The following CAST variants were observed in gnomAD, a reference collection of about 807,000 sequenced individuals.
CAST encodes the protein MIR583 host.
Under a neutral mutation model 119.6 loss-of-function variants are expected in CAST, and 76 were observed. The ratio of observed to expected loss-of-function variants is 0.64; its 90% CI spans 0.53 to 0.77. The LOEUF is 0.77. Among genes scored for constraint, CAST ranks in the 30% least tolerant of loss-of-function variants. CAST has a pLI of 0.00. For missense variants in CAST, 953 were observed against 946.5 expected, an observed-to-expected ratio of 1.01 and a Z score of -0.09; for synonymous variants, 319 against 331.6, an observed-to-expected ratio of 0.96 and a Z score of 0.41.
At chr5:96,556,667 TA>T (rs1397117065) in intron 1 of CAST, among the ~76,000 whole-genome samples, 3 of 151,954 alleles carry the variant, frequency 2.0e-5, no homozygotes, top group Non-Finnish European at 2.9e-5. Flanking sequence ...GAAAAAAGAA[TA>T]AAAAGAAATG....
chr5:96,522,499 G>A (rs142377361), upstream of CAST, among the ~76,000 whole-genome samples: 33 of 152,216 alleles, frequency 2.2e-4, no homozygotes, highest in Non-Finnish European at 3.8e-4. Context: ...CCGTATATTG[G>A]TAAAATGAAT....
At chr5:96,513,061 A>G in the CAST span, among the ~76,000 whole-genome samples, 2 of 152,240 alleles carry the variant, frequency 1.3e-5, no homozygotes, top group Admixed American at 1.3e-4. Context: ...AAATCTGCTT[A>G]TCACTCATTT....
chr5:96,525,952 G>A (rs570140014), upstream of CAST, among the ~76,000 whole-genome samples: 1 of 152,296 alleles, frequency 6.6e-6, no homozygotes, highest in African/African-American at 2.4e-5. Context: ...GAGTGTGGGT[G>A]TAAGTGAGAG....
chr5:96,363,106 G>T, the CAST span, among the ~76,000 whole-genome samples: 97,418 of 138,912 alleles, frequency 0.7, 35,230 homozygotes, highest in African/African-American at 0.9. Flanking sequence ...TTTCCCCATT[G>T]CTTGTTTTTG....
At chr5:96,592,451 G>A (rs900257523) in intron 1 of CAST, among the ~76,000 whole-genome samples, 2 of 152,116 alleles carry the variant, frequency 1.3e-5, no homozygotes, top group African/African-American at 2.4e-5. Context: ...GCTGTATGTG[G>A]CATTATGCTT....
intron 2 of CAST, 135 bp from the exon 3 acceptor site, chr5:96,695,701 T>C: frequency 1.9e-6 from 1 of 522,380 alleles, no homozygotes; most frequent in Non-Finnish European, 3.5e-6. Flanking sequence ...TCAAAGCATA[T>C]GTTTACTTTG....
At chr5:96,366,934 C>T in the CAST span, among the ~76,000 whole-genome samples, 1 of 152,162 alleles carries the variant, frequency 6.6e-6, no homozygotes, top group African/African-American at 2.4e-5. Context: ...TTTTTCTGCT[C>T]TGTTTTTTCC....
At chr5:96,767,034 T>C (rs1462391129) in intron 27 of CAST, among the ~76,000 whole-genome samples, 1 of 152,202 alleles carries the variant, frequency 6.6e-6, no homozygotes, top group African/African-American at 2.4e-5. Flanking sequence ...AAATTTATTA[T>C]TTAAGGCCCT....
At chr5:96,390,151 T>C in the CAST span, among the ~76,000 whole-genome samples, 1 of 152,204 alleles carries the variant, frequency 6.6e-6, no homozygotes, top group Non-Finnish European at 1.5e-5. Flanking sequence ...CAGCTTTGCA[T>C]GTTGTCAAGA....
chr5:96,263,826 C>A, the CAST span, among the ~76,000 whole-genome samples: 73 of 152,232 alleles, frequency 4.8e-4, no homozygotes, highest in East Asian at 5.2e-3. Flanking sequence ...AGAAGCAAGG[C>A]ACGTCTTACA....
chr5:96,028,206 A>G, the CAST span, among the ~76,000 whole-genome samples: 13 of 152,238 alleles, frequency 8.5e-5, no homozygotes, highest in South Asian at 1.4e-3. Context: ...AACACAAAAA[A>G]TTACAGATAT....
chr5:96,658,346 G>GAAATGGAA (rs1282577964), upstream of CAST, among the ~76,000 whole-genome samples: 9 of 152,034 alleles, frequency 5.9e-5, no homozygotes, highest in Admixed American at 5.2e-4. Context: ...AAAAAAAAAG[G>GAAATGGAA]AAATGGAAAA....
intron 6 of CAST, chr5:96,728,621 CA>C (rs1211245264): frequency 2.0e-5 from 3 of 152,528 alleles, no homozygotes; most frequent in Non-Finnish European, 4.4e-5. Context: ...GGACTACAGG[CA>C]CCCGCCACCA....
the CAST span, among the ~76,000 whole-genome samples, chr5:96,105,696 C>G: frequency 6.6e-6 from 1 of 152,106 alleles, no homozygotes; most frequent in Non-Finnish European, 1.5e-5. Context: ...GTAAAATTCT[C>G]TTTTTTGATT....
At chr5:96,418,899 T>A in the CAST span, among the ~76,000 whole-genome samples, 1 of 152,292 alleles carries the variant, frequency 6.6e-6, no homozygotes, top group African/African-American at 2.4e-5. Context: ...TCGGATGATA[T>A]TATTCTTGTC....
At position 96,663,248 on chromosome 5, in the gene CAST, G is replaced by A. The variant is rs1345691056; in HGVS notation, c.75+751G>A. On this transcript the variant is annotated intron_variant, in intron 1 of 31. Coordinates refer to ENST00000675179, the MANE Select transcript of CAST (RefSeq NM_001750.7). ...GTGTGTTTGCTTTGCCCTTCTGGGC[G>A]TGCGGATGAAGCGTTGTCCGGGGTT... 8.5e-6 allele frequency: 6 copies of A among 702,070 alleles called. No homozygotes were observed. In the East Asian group the frequency reaches 1.1e-4, roughly 13 times the overall value. The allele number at this position is 702,070 out of a possible 1,614,324, so 43.5% of individuals were successfully genotyped here.
chr5:96,713,852 G>T (rs1756694483), intron 3 of CAST, among the ~76,000 whole-genome samples: 1 of 152,054 alleles, frequency 6.6e-6, no homozygotes, highest in Non-Finnish European at 1.5e-5. Context: ...GTGCACACCT[G>T]TAGTCCCAGC....
chr5:96,147,278 G>A, the CAST span, among the ~76,000 whole-genome samples: 1 of 152,218 alleles, frequency 6.6e-6, no homozygotes, highest in Non-Finnish European at 1.5e-5. Flanking sequence ...TTCGAAAGAA[G>A]ATCTGTTGTA....
intron 1 of CAST, among the ~76,000 whole-genome samples, chr5:96,619,758 C>T (rs1326101980): frequency 4.7e-5 from 7 of 150,322 alleles, no homozygotes; most frequent in African/African-American, 1.8e-4. Flanking sequence ...ACACTCACCG[C>T]GAGGGTCCGT....
Sources: gnomAD v4.1 joint callset for allele counts (sites outside exome capture counted in the v4.1 genomes callset) on GRCh38, gnomAD v4.1.1 for gene constraint, MANE v1.5 for transcripts, NCBI Gene and HGNC (gene_info 2026-07-23, HGNC 2026-07-21) for gene names.